DKK3: variants seen among roughly 807,000 people sequenced by gnomAD.
DKK3 encodes the protein dickkopf-related protein 3.
In DKK3, 22 loss-of-function variants were observed where a neutral mutation model predicts 33.2. The ratio of observed to expected loss-of-function variants is 0.66; its 90% CI spans 0.47 to 0.95. DKK3 has a LOEUF of 0.95. Among genes scored for constraint, DKK3 ranks in the 40% least tolerant of loss-of-function variants. The pLI, the probability that DKK3 is intolerant of heterozygous loss-of-function variation, is 0.00. For missense variants in DKK3, 398 were observed against 458.4 expected, an observed-to-expected ratio of 0.87 and a Z score of 1.20; for synonymous variants, 194 against 188.8, an observed-to-expected ratio of 1.03 and a Z score of -0.23.
At chr11:12,001,332 G>A (rs987838333) in intron 2 of DKK3, among the ~76,000 whole-genome samples, 3 of 152,206 alleles carry the variant, frequency 2.0e-5, no homozygotes, top group Admixed American at 6.5e-5. Flanking sequence ...TGCAGTGGGA[G>A]AAGTGCCACA....
chr11:11,984,060 C>T (rs1420114234), intron 3 of DKK3, among the ~76,000 whole-genome samples: 1 of 152,174 alleles, frequency 6.6e-6, no homozygotes, highest in Non-Finnish European at 1.5e-5. Flanking sequence ...GTCTCTGTGA[C>T]GAGGAGTGAC....
chr11:11,972,811 C>T (rs755304726), intron 3 of DKK3, among the ~76,000 whole-genome samples: 12 of 152,184 alleles, frequency 7.9e-5, no homozygotes, highest in African/African-American at 2.4e-4. Flanking sequence ...CAGCACCCAA[C>T]TGGGCTCTGG....
intron 3 of DKK3, among the ~76,000 whole-genome samples, chr11:11,980,075 C>T (rs1260512050): frequency 6.6e-6 from 1 of 152,196 alleles, no homozygotes; most frequent in Non-Finnish European, 1.5e-5. Flanking sequence ...ACCAGGCACC[C>T]GGGAACCCAT....
At chr11:11,990,927 A>G (rs1448962178) in intron 3 of DKK3, among the ~76,000 whole-genome samples, 1 of 152,210 alleles carries the variant, frequency 6.6e-6, no homozygotes, top group Non-Finnish European at 1.5e-5. Context: ...GCAAGATGAT[A>G]CATGTTCCTG....
intron 3 of DKK3, among the ~76,000 whole-genome samples, chr11:11,995,248 T>TTTTTTTA: frequency 6.6e-6 from 1 of 152,178 alleles, no homozygotes; most frequent in South Asian, 2.1e-4. Context: ...CCCGGCTAAT[T>TTTTTTTA]TTTTTTATTT....
Position 11,968,416 on chromosome 11 carries a change from C to A in DKK3, c.507G>T (p.Gln169His). ...CQFASFQYTCQPCRGQRMLCT... is the reference protein window; with the variant it reads ...CQFASFQYTCHPCRGQRMLCT... ...TCACCATCCTCTGGCCCCGGCATGG[C>A]TGGCAGGTGTACTGGAAGCTGGCAA... The change falls in exon 4 of 7, where the codon CAG becomes CAT. Residue 169 changes from glutamine to histidine, a missense_variant. Coordinates refer to ENST00000683431, the MANE Select transcript of DKK3 (RefSeq NM_001018057.2). The A allele has an allele frequency of 6.2e-7, 1 of 1,613,286 alleles. No individual in the cohort carries two copies. Among genetic ancestry groups the A allele is most frequent in the Non-Finnish European group, 8.5e-7 (1 of 1,179,566 alleles).
chr11:11,984,788 C>T (rs1473571671), intron 3 of DKK3, among the ~76,000 whole-genome samples: 1 of 152,172 alleles, frequency 6.6e-6, no homozygotes, highest in African/African-American at 2.4e-5. Flanking sequence ...GGGGACGGCG[C>T]CTGGGATTCC....
intron 2 of DKK3, chr11:12,001,990 G>A (rs1354825213): frequency 4.5e-6 from 1 of 221,580 alleles, no homozygotes; most frequent in Non-Finnish European, 9.0e-6. Flanking sequence ...GCTAGGAAAG[G>A]GTCTTTTTAG....
chr11:11,999,218 T>C (rs1490172540), intron 2 of DKK3, among the ~76,000 whole-genome samples: 2 of 152,232 alleles, frequency 1.3e-5, no homozygotes, highest in Non-Finnish European at 2.9e-5. Flanking sequence ...CAGCCCTACC[T>C]GATTCTAGTG....
intron 3 of DKK3, among the ~76,000 whole-genome samples, chr11:11,978,426 CTCT>C (rs138989800): frequency 0.04 from 6,122 of 151,676 alleles, 370 homozygotes; most frequent in African/African-American, 0.13. Flanking sequence ...CTTCCTCTTC[CTCT>C]TCTTCTTCCT....
intron 3 of DKK3, among the ~76,000 whole-genome samples, chr11:11,996,549 G>T (rs1211489693): frequency 6.6e-6 from 1 of 152,202 alleles, no homozygotes; most frequent in East Asian, 1.9e-4. Flanking sequence ...TCTCCAATCT[G>T]TTCTCCAAAG....
chr11:11,964,731 G>A, intron 6 of DKK3, 45 bp from the exon 7 acceptor site: 1 of 1,581,312 alleles, frequency 6.3e-7, no homozygotes, highest in Non-Finnish European at 8.6e-7. Context: ...GTGGGAGCCT[G>A]CCCAGGCCGA....
At chr11:11,994,196 G>T (rs563536769) in intron 3 of DKK3, among the ~76,000 whole-genome samples, 220 of 152,114 alleles carry the variant, frequency 1.4e-3, no homozygotes, top group African/African-American at 5.0e-3. Context: ...AAAGTTGCTG[G>T]GAACCAGCAA....
At chr11:11,997,541 T>C (rs1298179576) in intron 3 of DKK3, among the ~76,000 whole-genome samples, 1 of 152,198 alleles carries the variant, frequency 6.6e-6, no homozygotes, top group South Asian at 2.1e-4. Context: ...GGAGAGATGA[T>C]GGACATTGTT....
At chr11:11,987,399 A>AT (rs1187087498) in intron 3 of DKK3, among the ~76,000 whole-genome samples, 1 of 152,224 alleles carries the variant, frequency 6.6e-6, no homozygotes, top group Non-Finnish European at 1.5e-5. Context: ...TGGCTGCATG[A>AT]TTTGGAGAAA....
At chr11:11,999,616 A>T (rs1485098334) in intron 2 of DKK3, among the ~76,000 whole-genome samples, 1 of 151,828 alleles carries the variant, frequency 6.6e-6, no homozygotes, top group African/African-American at 2.4e-5. Context: ...CGATAGAGTG[A>T]GACTCCATCT....
At chr11:11,971,983 C>G (rs1057419781) in intron 3 of DKK3, among the ~76,000 whole-genome samples, 2 of 152,136 alleles carry the variant, frequency 1.3e-5, no homozygotes, top group South Asian at 2.1e-4. Flanking sequence ...TTGTTATAAT[C>G]GAGCCCACCA....
In DKK3 at chr11:12,008,220, G is replaced by C; in HGVS notation, c.213+150C>G. On this transcript the variant is annotated intron_variant, in intron 1 of 6. Transcript: ENST00000683431. This position sits in a 1 kb window ranked among gnomAD's most constrained non-coding sequence, Gnocchi z 4.6. ...GCGGGAGTAGGGATCACCGTGCGCT[G>C]CCTCCAGGTCACTCCGCATCTGCTG... The C allele has an allele frequency of 1.9e-6, 2 of 1,036,866 alleles. No homozygotes were observed. The highest frequency in any genetic ancestry group is 1.3e-6 in the Non-Finnish European group (1 of 745,004). 64.2% of individuals were successfully genotyped at this position (1,036,866 alleles called of 1,614,324 possible).
At chr11:11,985,137 G>T (rs1195807096) in intron 3 of DKK3, among the ~76,000 whole-genome samples, 1 of 152,178 alleles carries the variant, frequency 6.6e-6, no homozygotes, top group Non-Finnish European at 1.5e-5. Context: ...AGGGAAGGTG[G>T]TCTGGGCACA....
Sources: allele counts gnomAD v4.1 joint callset (sites outside exome capture counted in the v4.1 genomes callset), GRCh38; gene constraint gnomAD v4.1.1; non-coding constraint Gnocchi (gnomAD v3.1); transcripts MANE v1.5; gene names NCBI Gene and HGNC (gene_info 2026-07-23, HGNC 2026-07-21).